Variants in PCDH11X observed in about 807,000 individuals in gnomAD.
PCDH11X encodes protocadherin-11 X-linked.
Under a neutral mutation model 53.3 loss-of-function variants are expected in PCDH11X, and 18 were observed. That is an observed-to-expected ratio of 0.34 (90% CI 0.23 to 0.50). The LOEUF (loss-of-function observed/expected upper bound fraction) is 0.50, where lower values mean the gene tolerates loss of function less well. PCDH11X is among the 20% of genes least tolerant of loss of function. The pLI, the probability that PCDH11X is intolerant of heterozygous loss-of-function variation, is 0.98. For missense variants in PCDH11X, 570 were observed against 1,032.4 expected, an observed-to-expected ratio of 0.55 and a Z score of 6.14; for synonymous variants, 279 against 393.3, an observed-to-expected ratio of 0.71 and a Z score of 3.44.
intron 6 of PCDH11X, among the ~76,000 whole-genome samples, chrX:91,965,128 T>C (rs2061846705): frequency 9.0e-6 from 1 of 111,456 alleles, no homozygotes; most frequent in South Asian, 3.8e-4. Context: ...CTTAAAGTTA[T>C]TGGAACTAGA....
chrX:92,611,157 T>C (rs1927334122), intron 10 of PCDH11X, among the ~76,000 whole-genome samples: 1 of 110,490 alleles, frequency 9.1e-6, no homozygotes, highest in Non-Finnish European at 1.9e-5. Context: ...GGTAGTTTGA[T>C]AGGAAGAGTG....
chrX:92,578,084 T>G (rs1437943051), intron 10 of PCDH11X, among the ~76,000 whole-genome samples: 3 of 97,833 alleles, frequency 3.1e-5, no homozygotes, highest in Non-Finnish European at 6.3e-5. Flanking sequence ...CCTGAAAATT[T>G]TTGTTAATAT....
intron 8 of PCDH11X, among the ~76,000 whole-genome samples, chrX:92,293,301 T>C (rs1258881728): frequency 9.1e-6 from 1 of 110,287 alleles, no homozygotes; most frequent in Non-Finnish European, 1.9e-5. Flanking sequence ...TGAAGAACTT[T>C]GGAATGGTAA....
intron 10 of PCDH11X, among the ~76,000 whole-genome samples, chrX:92,484,294 T>C (rs2073594347): frequency 9.7e-6 from 1 of 102,624 alleles, no homozygotes; most frequent in African/African-American, 3.5e-5. Flanking sequence ...TGTATATATA[T>C]GTGTGTGTAT....
intron 6 of PCDH11X, among the ~76,000 whole-genome samples, chrX:92,001,475 T>TC (rs1489434348): frequency 1.6e-4 from 17 of 106,353 alleles, no homozygotes; most frequent in African/African-American, 4.5e-4. Flanking sequence ...TTTCTTTCTT[T>TC]TTTTTTTTTT....
At position 92,072,108 on chromosome X, in the gene PCDH11X, C is replaced by T. The variant is rs139521931; in HGVS notation, c.3034-129267C>T. Among the ~76,000 whole-genome samples, 342 of 110,554 alleles carry T rather than the reference C, an allele frequency of 3.1e-3. 1 individual carries two copies. The highest frequency in any genetic ancestry group is 0.01 in the African/African-American group (313 of 30,381). On this transcript the variant is annotated intron_variant, in intron 6 of 10. Transcript: ENST00000682573. ...CCATGGGGGATTTCTTCCAGGCCAC[C>T]GCTTATGTTCCCTTAAAGCCCAGGA...
chrX:92,422,950 G>A (rs6619018), intron 9 of PCDH11X, among the ~76,000 whole-genome samples: 42,950 of 105,703 alleles, frequency 0.41, 7,089 homozygotes, highest in East Asian at 0.77. Context: ...CCAGGTTCAC[G>A]CCATTCTCCT....
intron 10 of PCDH11X, among the ~76,000 whole-genome samples, chrX:92,577,518 G>T (rs1264671968): frequency 9.1e-6 from 1 of 109,334 alleles, no homozygotes; most frequent in Non-Finnish European, 1.9e-5. Context: ...TTGAGTTTTT[G>T]AAGAGATTTT....
chrX:91,935,609 A>ACTT (rs1423099871), intron 6 of PCDH11X, among the ~76,000 whole-genome samples: 1 of 107,523 alleles, frequency 9.3e-6, no homozygotes, highest in African/African-American at 3.4e-5. Flanking sequence ...TAAACCAAAA[A>ACTT]GTACCTGAGA....
intron 6 of PCDH11X, among the ~76,000 whole-genome samples, chrX:92,195,875 G>A (rs2148314829): frequency 8.9e-6 from 1 of 112,112 alleles, no homozygotes; most frequent in Non-Finnish European, 1.9e-5. Flanking sequence ...TCTGTGCCAT[G>A]CTGTTGATAA....
chrX:92,124,842 T>C (rs1328410178), intron 6 of PCDH11X, among the ~76,000 whole-genome samples: 1 of 110,855 alleles, frequency 9.0e-6, no homozygotes, highest in Non-Finnish European at 1.9e-5. Context: ...TGATCTCTGA[T>C]TTATTTATGC....
intron 6 of PCDH11X, among the ~76,000 whole-genome samples, chrX:91,940,628 T>A (rs2525401): frequency 9.1e-6 from 1 of 109,626 alleles, no homozygotes; most frequent in Non-Finnish European, 1.9e-5. Flanking sequence ...CCTCCTGAGA[T>A]CAAATGATCT....
At chrX:92,190,833 G>A (rs1236738054) in intron 6 of PCDH11X, among the ~76,000 whole-genome samples, 3 of 110,856 alleles carry the variant, frequency 2.7e-5, no homozygotes, top group Non-Finnish European at 3.8e-5. Context: ...ATTACTTATT[G>A]TAAAATCTGA....
At chrX:92,311,712 C>A (rs2068954775) in intron 8 of PCDH11X, among the ~76,000 whole-genome samples, 1 of 110,761 alleles carries the variant, frequency 9.0e-6, no homozygotes, top group Non-Finnish European at 1.9e-5. Flanking sequence ...CTAGTGCTTA[C>A]TTCATGTACT....
At chrX:92,147,831 C>CTT (rs1556066080) in intron 6 of PCDH11X, among the ~76,000 whole-genome samples, 1 of 91,198 alleles carries the variant, frequency 1.1e-5, no homozygotes, top group African/African-American at 4.9e-5. Context: ...TTCTTTCTTT[C>CTT]TTTCTTTCTT....
chrX:92,487,425 C>A (rs2073667738), intron 10 of PCDH11X, among the ~76,000 whole-genome samples: 1 of 111,159 alleles, frequency 9.0e-6, no homozygotes, highest in South Asian at 3.8e-4. Flanking sequence ...TTAAACTTTA[C>A]AAACTTAATA....
At chrX:92,436,454 C>T (rs182594151) in intron 9 of PCDH11X, among the ~76,000 whole-genome samples, 9 of 111,755 alleles carry the variant, frequency 8.1e-5, no homozygotes, top group South Asian at 3.7e-4. Context: ...TACTATTTAA[C>T]GCAGCAATCC....
chrX:91,931,275 A>T (rs920355532), intron 6 of PCDH11X, among the ~76,000 whole-genome samples: 11 of 110,437 alleles, frequency 1.0e-4, no homozygotes, highest in Non-Finnish European at 2.1e-4. Context: ...TTTATATAAT[A>T]AGGGGCAGTA....
intron 8 of PCDH11X, among the ~76,000 whole-genome samples, chrX:92,364,914 C>CAA (rs57977407): frequency 0.01 from 456 of 44,674 alleles, 4 homozygotes; most frequent in Middle Eastern, 0.045. Flanking sequence ...ACCCTTTCTA[C>CAA]AAAAAAAAAA....
Sources: allele counts gnomAD v4.1 joint callset (sites outside exome capture counted in the v4.1 genomes callset), GRCh38; gene constraint gnomAD v4.1.1; transcripts MANE v1.5; gene names NCBI Gene and HGNC (gene_info 2026-07-23, HGNC 2026-07-21).